Variants in PRKG2 observed in about 807,000 individuals in gnomAD.
PRKG2 encodes the protein cGMP-dependent protein kinase 2.
Under a neutral mutation model 97.2 loss-of-function variants are expected in PRKG2, and 33 were observed. The observed-to-expected ratio is 0.34, with a 90% confidence interval of 0.26 to 0.45. PRKG2 has a LOEUF of 0.45. Among genes scored for constraint, PRKG2 ranks in the 20% least tolerant of loss-of-function variants. The pLI is 1.00. For missense variants in PRKG2, 638 were observed against 900.0 expected, an observed-to-expected ratio of 0.71 and a Z score of 3.73; for synonymous variants, 330 against 321.8, an observed-to-expected ratio of 1.03 and a Z score of -0.27.
At chr4:81,140,734 G>C in intron 11 of PRKG2, 65 bp from the exon 12 acceptor site, 2 of 1,414,170 alleles carry the variant, frequency 1.4e-6, no homozygotes, top group Non-Finnish European at 2.0e-6. Context: ...ACTAATCAAT[G>C]AGAGTTAAAA....
intron 11 of PRKG2, among the ~76,000 whole-genome samples, chr4:81,141,453 G>C (rs1416664278): frequency 6.6e-6 from 1 of 152,088 alleles, no homozygotes; most frequent in Non-Finnish European, 1.5e-5. Flanking sequence ...CTAGTTAGTG[G>C]CTACCCTATT....
chr4:81,214,719 T>G (rs1754186888), intron 1 of PRKG2, among the ~76,000 whole-genome samples: 1 of 152,170 alleles, frequency 6.6e-6, no homozygotes, highest in South Asian at 2.1e-4. Context: ...AGCCTTTCCC[T>G]GCCTCCAGGA....
At chr4:81,119,185 C>T (rs972267646) in intron 14 of PRKG2, among the ~76,000 whole-genome samples, 6 of 152,132 alleles carry the variant, frequency 3.9e-5, no homozygotes, top group Non-Finnish European at 8.8e-5. Context: ...AAGTCATTGC[C>T]ATATTCATAG....
intron 14 of PRKG2, among the ~76,000 whole-genome samples, chr4:81,115,004 T>C (rs898795640): frequency 2.0e-5 from 3 of 152,204 alleles, no homozygotes; most frequent in Admixed American, 6.5e-5. Flanking sequence ...TATAACACCA[T>C]TGGATTAACA....
At chr4:81,188,591 C>T (rs1478725954) in intron 2 of PRKG2, among the ~76,000 whole-genome samples, 1 of 134,180 alleles carries the variant, frequency 7.5e-6, no homozygotes, top group Admixed American at 7.0e-5. Context: ...TATTGCGGCA[C>T]TATTCACAAT....
intron 2 of PRKG2, among the ~76,000 whole-genome samples, chr4:81,196,166 T>C (rs1752949135): frequency 6.6e-6 from 1 of 152,062 alleles, no homozygotes; most frequent in Non-Finnish European, 1.5e-5. Flanking sequence ...AGCAAGAAAA[T>C]GGGGACCTCA....
chr4:81,169,703 C>CTG lies in PRKG2; in HGVS notation c.806_807dup (p.Ala270GlnfsTer19). 1 of 1,609,874 alleles carries CTG rather than the reference C, an allele frequency of 6.2e-7. No homozygotes were observed. Among genetic ancestry groups the CTG allele is most frequent in the Non-Finnish European group, 8.5e-7 (1 of 1,177,578 alleles). On this transcript the variant is annotated frameshift_variant, in exon 5 of 19. Coordinates refer to ENST00000264399, the MANE Select transcript of PRKG2 (RefSeq NM_006259.3). LOFTEE classifies it high-confidence loss of function. ...CTGTATTGTTCATCTCTAGCTTGGG[C>CTG]TGTCCTCCTCATTATATTCTGGAAT...
At position 81,089,579 on chromosome 4, in the gene PRKG2, G is replaced by A. The variant is rs1741346313; in HGVS notation, c.*129C>T. The A allele has an allele frequency of 1.5e-6, 1 of 651,020 alleles. No individual in the cohort carries two copies. The highest frequency in any genetic ancestry group is 1.8e-5 in the African/African-American group (1 of 54,398). The allele number at this position is 651,020 out of a possible 1,614,324, so 40.3% of individuals were successfully genotyped here. A position where few individuals can be genotyped will look rare whatever the true frequency, so the allele number is the denominator to read the frequency against. ...CACACCATTCTCCTCTTCCCATTGT[G>A]CAGGAATTTCTTTTCCCTAATGGTC... On this transcript the variant is annotated 3_prime_UTR_variant, in exon 19 of 19. Coordinates refer to ENST00000264399, the MANE Select transcript of PRKG2 (RefSeq NM_006259.3).
At chr4:81,198,227 TAAG>T (rs1316529288) in intron 2 of PRKG2, among the ~76,000 whole-genome samples, 3 of 152,164 alleles carry the variant, frequency 2.0e-5, no homozygotes, top group Admixed American at 6.5e-5. Context: ...AGATATCAAC[TAAG>T]AAGAAGACCA....
intron 16 of PRKG2, among the ~76,000 whole-genome samples, chr4:81,104,961 G>A (rs1048041704): frequency 6.6e-6 from 1 of 151,640 alleles, no homozygotes; most frequent in Admixed American, 6.6e-5. Context: ...TAGAAGTTGG[G>A]GTAATTTAAA....
chr4:81,174,170 T>A (rs1168669079), intron 3 of PRKG2, among the ~76,000 whole-genome samples: 1 of 152,070 alleles, frequency 6.6e-6, no homozygotes, highest in South Asian at 2.1e-4. Context: ...GGAAACCATT[T>A]AAATAATTCT....
chr4:81,176,607 T>A (rs1302956333), intron 2 of PRKG2, among the ~76,000 whole-genome samples: 1 of 152,174 alleles, frequency 6.6e-6, no homozygotes. Flanking sequence ...AATGCCCACA[T>A]ATACTAATTT....
chr4:81,169,820 C>A, intron 4 of PRKG2, 52 bp from the exon 5 acceptor site: 1 of 1,167,502 alleles, frequency 8.6e-7, no homozygotes, highest in Non-Finnish European at 1.2e-6. Flanking sequence ...ATTGTGAAAA[C>A]ATTCCAAAAT....
At chr4:81,173,851 T>C (rs1750696351) in intron 3 of PRKG2, 1 of 152,044 alleles carries the variant, frequency 6.6e-6, no homozygotes, top group African/African-American at 2.4e-5. Flanking sequence ...AATGAAGGAA[T>C]GACAACCATC....
chr4:81,174,490 T>C (rs116192414), intron 3 of PRKG2, among the ~76,000 whole-genome samples: 1,733 of 152,170 alleles, frequency 0.011, 32 homozygotes, highest in African/African-American at 0.039. Flanking sequence ...ACATAGTCCA[T>C]GTTAGTAACA....
chr4:81,207,417 C>G (rs956372887), intron 1 of PRKG2, among the ~76,000 whole-genome samples: 10 of 152,272 alleles, frequency 6.6e-5, no homozygotes, highest in Middle Eastern at 3.4e-3. Flanking sequence ...TAACAACTAA[C>G]TCATTTTTGT....
In PRKG2 at chr4:81,137,445, T is replaced by A. The variant is rs1302764465; in HGVS notation, c.1582A>T (p.Met528Leu). The A allele has an allele frequency of 1.9e-6, 3 of 1,612,674 alleles. No homozygotes were observed. The highest frequency in any genetic ancestry group is 2.5e-6 in the Non-Finnish European group (3 of 1,178,810). ...CCACCTAAGCAGGCCTCCAGAAGCA[T>A]GTATACATACTTATTGTCCTTGAAA... is the stretch of plus-strand genomic sequence containing the variant. ...RTFKDNKYVY[M>L]LLEACLGGEL... Residue 528 changes from methionine to leucine, a missense_variant, in exon 13 of 19, where the codon ATG becomes TTG. Physicochemically the swap from Met to Leu is conservative, Grantham distance 15 (BLOSUM62 2). Transcript: ENST00000264399.
At chr4:81,126,606 T>C (rs1179254581) in intron 14 of PRKG2, among the ~76,000 whole-genome samples, 2 of 152,232 alleles carry the variant, frequency 1.3e-5, no homozygotes, top group African/African-American at 4.8e-5. Flanking sequence ...GTGGTTTTGA[T>C]TTGCATTTCC....
chr4:81,110,665 T>C, intron 14 of PRKG2, 54 bp from the exon 15 acceptor site: 1 of 1,594,866 alleles, frequency 6.3e-7, no homozygotes. Context: ...CATGCTCCTC[T>C]TTAAGCCTCC....
Sources: allele counts gnomAD v4.1 joint callset (sites outside exome capture counted in the v4.1 genomes callset), GRCh38; gene constraint gnomAD v4.1.1; transcripts MANE v1.5; gene names NCBI Gene and HGNC (gene_info 2026-07-23, HGNC 2026-07-21).